The following NEDD1 variants were observed in gnomAD, a reference collection of about 807,000 sequenced individuals.
NEDD1 encodes protein NEDD1.
A neutral mutation model predicts 74.0 loss-of-function variants in NEDD1; 33 were observed. The observed-to-expected ratio is 0.45, with a 90% confidence interval of 0.34 to 0.60. The LOEUF is 0.60. NEDD1 is among the 20% of genes least tolerant of loss of function. NEDD1 has a pLI of 0.01. For synonymous variants in NEDD1, 250 were observed against 264.4 expected, an observed-to-expected ratio of 0.95 and a Z score of 0.53; for missense variants, 746 against 776.5, an observed-to-expected ratio of 0.96 and a Z score of 0.47.
At position 96,935,182 on chromosome 12, in the gene NEDD1, C is replaced by T; in HGVS notation, c.696C>T (p.Ile232=). ...CCATAGGCTTGGATAAAAGAATCAT[C>T]CTCTATGACACTTCAAGTAAGAAGT... ...FVTIGLDKRI[I]LYDTSSKKLV... is the part of the protein sequence containing the mutation. Residue 232 remains isoleucine, a synonymous_variant, in exon 7 of 16, where the codon ATC becomes ATT. Transcript: ENST00000266742. 6.3e-7 allele frequency: 1 copy of T among 1,592,320 alleles called. No homozygotes were observed.
intron 6 of NEDD1, among the ~76,000 whole-genome samples, chr12:96,930,898 A>G (rs553549168): frequency 1.3e-5 from 2 of 152,270 alleles, no homozygotes; most frequent in East Asian, 3.9e-4. Context: ...CACCACCATA[A>G]CCAGTAACTT....
chr12:96,941,107 G>A (rs971196134), intron 10 of NEDD1, among the ~76,000 whole-genome samples: 2 of 152,040 alleles, frequency 1.3e-5, no homozygotes, highest in African/African-American at 2.4e-5. Flanking sequence ...ATTGCTAACA[G>A]CAATATTAAT....
chr12:96,931,801 G>A (rs1010532301), intron 6 of NEDD1, among the ~76,000 whole-genome samples: 3 of 152,070 alleles, frequency 2.0e-5, no homozygotes, highest in East Asian at 3.8e-4. Flanking sequence ...ATACACAGAA[G>A]CATACATACA....
rs1393782145 is a variant in NEDD1, at chr12:96,932,454, AAAAAAAAAAATATAT to A, written c.490-2520_490-2506del. ...AAATCCTGTCTCTTAAAAAAAAAAA[AAAAAAAAAAATATAT>A]ATATATATATATATATATAAAATGC... On this transcript the variant is annotated intron_variant, in intron 6 of 15. Transcript: ENST00000266742. 1.0e-4 allele frequency among the ~76,000 whole-genome samples: 6 copies of A among 57,454 alleles called. 1 individual carries two copies. The highest frequency in any genetic ancestry group is 2.3e-4 in the Admixed American group (1 of 4,420). The allele number at this position is 57,454 out of a possible 152,430, so 37.7% of individuals were successfully genotyped here. A position where few individuals can be genotyped will look rare whatever the true frequency, so the allele number is the denominator to read the frequency against.
At position 96,943,585 on chromosome 12, in the gene NEDD1, C is replaced by T; in HGVS notation, c.1320C>T (p.Asn440=). The change falls in exon 12 of 16, where the codon AAC becomes AAT. Residue 440 remains asparagine, a synonymous_variant. Transcript: ENST00000266742. ...GCTTTGACTTTCTACCGCAGTTGAA[C>T]TCAGTGTTTCCTCCAAGAAAAAATC... is the stretch of plus-strand genomic sequence containing the variant. ...GDGFDFLPQL[N]SVFPPRKNPV... 1 of 1,613,036 alleles carries T rather than the reference C, an allele frequency of 6.2e-7. No individual in the cohort carries two copies. The highest frequency in any genetic ancestry group is 8.5e-7 in the Non-Finnish European group (1 of 1,179,170).
At chr12:96,908,615 T>G (rs1018206066) in intron 2 of NEDD1, among the ~76,000 whole-genome samples, 1 of 152,360 alleles carries the variant, frequency 6.6e-6, no homozygotes, top group Admixed American at 6.5e-5. Flanking sequence ...GTGTTTCAGC[T>G]GTATGCTCTG....
chr12:96,947,120 T>C (rs1230786358), intron 14 of NEDD1, among the ~76,000 whole-genome samples: 2 of 152,354 alleles, frequency 1.3e-5, no homozygotes, highest in East Asian at 3.9e-4. Flanking sequence ...TTTGTTGTGC[T>C]CTGGTTACAA....
At position 96,917,679 on chromosome 12, in the gene NEDD1, T is replaced by C; in HGVS notation, c.290T>C (p.Leu97Pro). 1 of 1,563,572 alleles carries C rather than the reference T, an allele frequency of 6.4e-7. No homozygotes were observed. Among genetic ancestry groups the C allele is most frequent in the Non-Finnish European group, 8.6e-7 (1 of 1,164,152 alleles). ...TCTATGTATTTGGTAAGCGGAGGCC[T>C]AAATAACACTGTTAATATTTGGGAT... The part of the protein sequence containing the change: ...STSMYLVSGG[L>P]NNTVNIWDLK... The change falls in exon 5 of 16, where the codon CTA (leucine) becomes CCA (proline). Residue 97 changes from leucine (L) to proline (P), a missense_variant. Transcript: ENST00000266742.
chr12:96,924,823 C>T (rs777994871), intron 6 of NEDD1: 7 of 450,608 alleles, frequency 1.6e-5, no homozygotes, highest in Admixed American at 7.2e-5. Flanking sequence ...TTCTTTATTG[C>T]GTTGACTAGG....
At chr12:96,930,841 C>G (rs148542228) in intron 6 of NEDD1, among the ~76,000 whole-genome samples, 71 of 152,312 alleles carry the variant, frequency 4.7e-4, no homozygotes, top group African/African-American at 1.7e-3. Flanking sequence ...CATGCACACA[C>G]ACGTACACAT....
At chr12:96,924,833 G>T (rs1290105029) in intron 6 of NEDD1, 1 of 452,166 alleles carries the variant, frequency 2.2e-6, no homozygotes, top group Non-Finnish European at 4.4e-6. Flanking sequence ...CGTTGACTAG[G>T]CTCTCCAATC....
chr12:96,949,306 T>C (rs939565263), intron 14 of NEDD1, among the ~76,000 whole-genome samples: 19 of 152,182 alleles, frequency 1.2e-4, no homozygotes, highest in African/African-American at 1.7e-4. Context: ...TAATTGAAAG[T>C]AGAAGAGGAA....
At chr12:96,927,460 T>C (rs1875836604) in intron 6 of NEDD1, among the ~76,000 whole-genome samples, 1 of 152,232 alleles carries the variant, frequency 6.6e-6, no homozygotes, top group Non-Finnish European at 1.5e-5. Flanking sequence ...TAGGTTATAA[T>C]TGCATGTCAC....
chr12:96,929,140 A>G (rs975116667), intron 6 of NEDD1, among the ~76,000 whole-genome samples: 1 of 150,562 alleles, frequency 6.6e-6, no homozygotes, highest in Non-Finnish European at 1.5e-5. Flanking sequence ...ATTTTTTCTC[A>G]AGTGTTTTTA....
At chr12:96,936,288 G>A (rs2136586741) in intron 7 of NEDD1, among the ~76,000 whole-genome samples, 1 of 152,286 alleles carries the variant, frequency 6.6e-6, no homozygotes, top group Admixed American at 6.5e-5. Flanking sequence ...CCTGTTTGTG[G>A]CGTAATAGAC....
rs140210892 is a variant in NEDD1, at chr12:96,916,230, TTTATTATTATTA to T, written c.232-1370_232-1359del. Among the ~76,000 whole-genome samples, 54 of 145,418 alleles carry T rather than the reference TTTATTATTATTA, an allele frequency of 3.7e-4. 1 individual carries two copies. In the South Asian group the frequency reaches 0.011, roughly 30 times the overall value. ...TGGTGTGATTGGAAGCCGTTGAAGATTTATTATTATTATTATTATTATTATTATTATTTTTAA... is the reference window on the plus strand; with the variant it reads ...TGGTGTGATTGGAAGCCGTTGAAGATTTATTATTATTATTATTATTTTTAA... On this transcript the variant is annotated intron_variant, in intron 4 of 15. Transcript: ENST00000266742.
chr12:96,943,731 G>A lies in NEDD1; in HGVS notation c.1466G>A (p.Gly489Glu). 1 of 1,611,358 alleles carries A rather than the reference G, an allele frequency of 6.2e-7. No individual in the cohort carries two copies. The highest frequency in any genetic ancestry group is 8.5e-7 in the Non-Finnish European group (1 of 1,178,018). Residue 489 changes from glycine (G) to glutamate (E), a missense_variant, in exon 12 of 16, where the codon GGA becomes GAA. By Grantham distance (98) the Gly-to-Glu change is moderately conservative. Around this residue, in one of 3 missense-constraint regions of NEDD1, gnomAD observed 706 missense variants for 706.7 expected, o/e 1.00. Coordinates refer to ENST00000266742, the MANE Select transcript of NEDD1 (RefSeq NM_152905.4). ...GCTGAGTCTAAGAAAATATATATGG[G>A]AAAACAGGAATCTAAAGACTCCTTC... ...LTAESKKIYM[G>E]KQESKDSFKQ...
At chr12:96,929,184 A>C (rs1392728631) in intron 6 of NEDD1, among the ~76,000 whole-genome samples, 1 of 151,394 alleles carries the variant, frequency 6.6e-6, no homozygotes, top group Non-Finnish European at 1.5e-5. Context: ...ATTTTTAAAA[A>C]TTTCTTTTTA....
chr12:96,914,321 A>G (rs1382387598), intron 4 of NEDD1, among the ~76,000 whole-genome samples: 1 of 152,176 alleles, frequency 6.6e-6, no homozygotes, highest in Admixed American at 6.5e-5. Context: ...AGTATTTGGG[A>G]GCTTTTTTTT....
Sources: allele counts gnomAD v4.1 joint callset (sites outside exome capture counted in the v4.1 genomes callset), GRCh38; gene constraint gnomAD v4.1.1; regional missense constraint gnomAD v4.1.1; transcripts MANE v1.5; gene names NCBI Gene and HGNC (gene_info 2026-07-23, HGNC 2026-07-21).